Variants in TMEM51 observed in about 807,000 individuals in gnomAD.
TMEM51 encodes the protein transmembrane protein 51.
In TMEM51, 8 loss-of-function variants were observed where a neutral mutation model predicts 13.6. The ratio of observed to expected loss-of-function variants is 0.59; its 90% CI spans 0.35 to 1.07. TMEM51 has a LOEUF of 1.07. Ranked by LOEUF, TMEM51 falls within the 50% of genes least tolerant of loss-of-function variation. The pLI is 0.02. For missense variants in TMEM51, 279 were observed against 330.7 expected, an observed-to-expected ratio of 0.84 and a Z score of 1.21; for synonymous variants, 147 against 144.4, an observed-to-expected ratio of 1.02 and a Z score of -0.13.
At chr1:15,196,546 GTCTT>G (rs931800344) in intron 1 of TMEM51, among the ~76,000 whole-genome samples, 1 of 152,028 alleles carries the variant, frequency 6.6e-6, no homozygotes, top group Admixed American at 6.5e-5. Context: ...AAGAGACAGG[GTCTT>G]TCTATGTTTC....
intron 1 of TMEM51, among the ~76,000 whole-genome samples, chr1:15,186,453 C>CAAGT (rs1434873392): frequency 6.6e-6 from 1 of 152,128 alleles, no homozygotes; most frequent in African/African-American, 2.4e-5. Context: ...TTGTGACTTG[C>CAAGT]CCCTGAATGA....
intron 1 of TMEM51, among the ~76,000 whole-genome samples, chr1:15,174,997 C>G (rs1305291477): frequency 6.6e-6 from 1 of 152,164 alleles, no homozygotes; most frequent in Non-Finnish European, 1.5e-5. Flanking sequence ...CTGGACAGCA[C>G]CCTACCATCC....
chr1:15,178,502 G>A (rs1311655588), intron 1 of TMEM51, among the ~76,000 whole-genome samples: 1 of 152,198 alleles, frequency 6.6e-6, no homozygotes, highest in Non-Finnish European at 1.5e-5. Flanking sequence ...ATGTTTAGCA[G>A]ACCGCAAGGT....
chr1:15,166,675 G>C (rs1643009507), intron 1 of TMEM51, among the ~76,000 whole-genome samples: 1 of 152,078 alleles, frequency 6.6e-6, no homozygotes, highest in African/African-American at 2.4e-5. Flanking sequence ...GCCAAGATCA[G>C]AGCACTACAC....
intron 1 of TMEM51, among the ~76,000 whole-genome samples, chr1:15,173,025 A>C (rs1252825640): frequency 6.6e-6 from 1 of 152,084 alleles, no homozygotes; most frequent in Admixed American, 6.5e-5. Flanking sequence ...AAATGGGCTC[A>C]ATGCCTACCT....
At chr1:15,165,156 G>A (rs562023238) in intron 1 of TMEM51, among the ~76,000 whole-genome samples, 5 of 152,218 alleles carry the variant, frequency 3.3e-5, no homozygotes, top group South Asian at 2.1e-4. Flanking sequence ...ATGGGCTAAA[G>A]AAGAAATGCT....
At chr1:15,190,851 T>C (rs1643907853) in intron 1 of TMEM51, among the ~76,000 whole-genome samples, 1 of 152,088 alleles carries the variant, frequency 6.6e-6, no homozygotes, top group Admixed American at 6.5e-5. Context: ...GCAGTGGCCC[T>C]ATTTCGGTTC....
In TMEM51 at chr1:15,219,734, GC is replaced by G. The variant is rs1557863064; in HGVS notation, c.756del (p.Asp253ThrfsTer22). The stretch of plus-strand genomic sequence containing the variant: ...AGGAGAAGGCCCCCGACACCCGGCC[GC>G]CCGACTGAATGGCCCCACTTGAGCC... ...VQEKAPDTRP[P>X]D On this transcript the variant is annotated frameshift_variant, in exon 4 of 4. Coordinates refer to ENST00000376008, the MANE Select transcript of TMEM51 (RefSeq NM_001136218.2). LOFTEE classifies it high-confidence loss of function. 6.2e-7 allele frequency: 1 copy of G among 1,612,598 alleles called. No homozygotes were observed. Among genetic ancestry groups the G allele is most frequent in the Admixed American group, 1.7e-5 (1 of 59,902 alleles).
chr1:15,194,947 G>C (rs1419235118), intron 1 of TMEM51, among the ~76,000 whole-genome samples: 2 of 138,670 alleles, frequency 1.4e-5, no homozygotes, highest in African/African-American at 5.5e-5. Context: ...TTTTGAGACA[G>C]GGTCTTGCTG....
chr1:15,170,294 C>A (rs1643202925), intron 1 of TMEM51, among the ~76,000 whole-genome samples: 1 of 151,998 alleles, frequency 6.6e-6, no homozygotes, highest in Admixed American at 6.6e-5. Flanking sequence ...CTCCTCTCCC[C>A]CGGCCCTCTG....
chr1:15,166,166 T>C (rs141047938), intron 1 of TMEM51, among the ~76,000 whole-genome samples: 23 of 152,346 alleles, frequency 1.5e-4, no homozygotes, highest in African/African-American at 5.3e-4. Flanking sequence ...AAAACTGTTA[T>C]TGATAACACC....
chr1:15,164,809 T>TTCCC (rs1213657887), intron 1 of TMEM51, among the ~76,000 whole-genome samples: 1 of 34,534 alleles, frequency 2.9e-5, no homozygotes, highest in African/African-American at 1.6e-4. Flanking sequence ...TTTTTTTCCT[T>TTCCC]TTTTTTTTTT....
chr1:15,197,037 T>C (rs1644064253), intron 1 of TMEM51, among the ~76,000 whole-genome samples: 1 of 152,258 alleles, frequency 6.6e-6, no homozygotes, highest in South Asian at 2.1e-4. Context: ...CCCTGCCGTT[T>C]GGTTCTGCTT....
At chr1:15,203,119 C>G (rs2100319746) in intron 1 of TMEM51, among the ~76,000 whole-genome samples, 1 of 152,354 alleles carries the variant, frequency 6.6e-6, no homozygotes. Flanking sequence ...AGGCTCCTGA[C>G]TTAGAGCCTT....
At position 15,159,506 on chromosome 1, in the gene TMEM51, C is replaced by A. The variant is rs553307518; in HGVS notation, c.-267+5552C>A. Reference sequence around the variant, plus strand: ...GCACAAAGCATTAATTTTTTCAATGCCACATTTCAAACAAAGAAGAGTTAA... The same window carrying A: ...GCACAAAGCATTAATTTTTTCAATGACACATTTCAAACAAAGAAGAGTTAA... On this transcript the variant is annotated intron_variant, in intron 1 of 3. Transcript: ENST00000376008. Among the ~76,000 whole-genome samples the A allele has an allele frequency of 3.3e-5, 5 of 152,320 alleles. No individual in the cohort carries two copies. The South Asian group carries it at 1.0e-3, about 32-fold the overall frequency.
rs1643265941 is a variant in TMEM51, at chr1:15,171,338, T to C, written c.-267+17384T>C. The C allele has an allele frequency of 1.5e-5, 19 of 1,301,418 alleles. No homozygotes were observed. In the Admixed American group the frequency reaches 2.5e-4, roughly 17 times the overall value. The allele number at this position is 1,301,418 out of a possible 1,614,324, so 80.6% of individuals were successfully genotyped here. A position where few individuals can be genotyped will look rare whatever the true frequency, so the allele number is the denominator to read the frequency against. On this transcript the variant is annotated intron_variant, in intron 1 of 3. Transcript: ENST00000376008. ...GACCTATGAGATAAGGGGTTTGTTA[T>C]AGGAATTAGTTCTTATGCATTCATA... is the stretch of plus-strand genomic sequence containing the variant.
At chr1:15,178,704 C>T (rs1336423162) in intron 1 of TMEM51, among the ~76,000 whole-genome samples, 1 of 152,188 alleles carries the variant, frequency 6.6e-6, no homozygotes, top group Non-Finnish European at 1.5e-5. Context: ...AGCAACTTGC[C>T]TAAAACCATC....
intron 3 of TMEM51, 90 bp downstream of exon 3, chr1:15,215,521 A>C: frequency 9.3e-6 from 11 of 1,185,836 alleles, no homozygotes; most frequent in Non-Finnish European, 1.3e-5. Context: ...TGGTGAAAAG[A>C]CTGTCATCTA....
At chr1:15,182,589 A>G (rs1643655574) in intron 1 of TMEM51, among the ~76,000 whole-genome samples, 4 of 152,194 alleles carry the variant, frequency 2.6e-5, no homozygotes, top group Admixed American at 2.6e-4. Flanking sequence ...ATCTAAATGG[A>G]TTGTCCTGCA....
Sources: allele counts gnomAD v4.1 joint callset (sites outside exome capture counted in the v4.1 genomes callset), GRCh38; gene constraint gnomAD v4.1.1; transcripts MANE v1.5; gene names NCBI Gene and HGNC (gene_info 2026-07-23, HGNC 2026-07-21).